MAP2: variants seen among roughly 807,000 people sequenced by gnomAD.
MAP2 encodes microtubule-associated protein 2.
MAP2 carries 14 observed loss-of-function variants against 137.6 expected under a neutral mutation model. That is an observed-to-expected ratio of 0.10 (90% CI 0.07 to 0.16). The LOEUF (loss-of-function observed/expected upper bound fraction) is 0.16, where lower values mean the gene tolerates loss of function less well. Ranked by LOEUF, MAP2 falls within the 10% of genes least tolerant of loss-of-function variation. The pLI is 1.00. For missense variants in MAP2, 2,088 were observed against 2,191.5 expected (o/e 0.95, Z 0.94); for synonymous variants, 786 against 782.3 (o/e 1.00, Z -0.08).
At chr2:209,488,649 C>T (rs1371829552) in intron 1 of MAP2, among the ~76,000 whole-genome samples, 1 of 152,146 alleles carries the variant, frequency 6.6e-6, no homozygotes, top group Non-Finnish European at 1.5e-5. Flanking sequence ...GCTTTCCCCT[C>T]ACAGTGTAAA....
At chr2:209,719,338 G>T (rs139276989) in intron 13 of MAP2, among the ~76,000 whole-genome samples, 2 of 152,180 alleles carry the variant, frequency 1.3e-5, no homozygotes, top group South Asian at 2.1e-4. Flanking sequence ...TTGAGCTGAC[G>T]TGTGGGTCTT....
intron 5 of MAP2, among the ~76,000 whole-genome samples, chr2:209,664,789 ATC>A (rs1227844469): frequency 2.6e-5 from 4 of 151,626 alleles, no homozygotes; most frequent in Non-Finnish European, 5.9e-5. Context: ...GTGAAATCCC[ATC>A]TCTACTAAAA....
chr2:209,454,556 T>C (rs1457437463), intron 1 of MAP2, among the ~76,000 whole-genome samples: 1 of 152,066 alleles, frequency 6.6e-6, no homozygotes, highest in African/African-American at 2.4e-5. Flanking sequence ...AGGCTGGTCA[T>C]GAACTCCTGA....
At chr2:209,429,055 G>A (rs1209535952) in intron 1 of MAP2, among the ~76,000 whole-genome samples, 1 of 151,984 alleles carries the variant, frequency 6.6e-6, no homozygotes, top group Non-Finnish European at 1.5e-5. Flanking sequence ...CCGGGTTCAC[G>A]CCATTCTCCT....
At chr2:209,539,863 C>T (rs1337984692) in intron 2 of MAP2, among the ~76,000 whole-genome samples, 1 of 144,148 alleles carries the variant, frequency 6.9e-6, no homozygotes, top group Non-Finnish European at 1.5e-5. Context: ...TTTGGGAGAC[C>T]AAGGCAGGAG....
intron 4 of MAP2, among the ~76,000 whole-genome samples, chr2:209,644,215 A>G (rs972467700): frequency 6.6e-6 from 1 of 152,186 alleles, no homozygotes; most frequent in African/African-American, 2.4e-5. Flanking sequence ...CATTTTCTCC[A>G]ATGGATTGAA....
Position 209,710,155 on chromosome 2 carries a change from G to C in MAP2, c.4974G>C (p.Lys1658Asn). 6.2e-7 allele frequency: 1 copy of C among 1,613,906 alleles called. No homozygotes were observed. The highest frequency in any genetic ancestry group is 8.5e-7 in the Non-Finnish European group (1 of 1,179,946). Residue 1658 changes from lysine to asparagine, a missense_variant, in exon 13 of 16, where the codon AAG becomes AAC. Coordinates refer to ENST00000682079, the MANE Select transcript of MAP2 (RefSeq NM_001375505.1). ...RTPPKSPATPKQLRLINQPLP... is the reference protein window; with the variant it reads ...RTPPKSPATPNQLRLINQPLP... ...CTCCAAAATCTCCTGCGACTCCCAA[G>C]CAGCTTCGGCTTATTAACCAACCAC...
chr2:209,716,181 T>A (rs2067529031), intron 13 of MAP2, among the ~76,000 whole-genome samples: 1 of 152,226 alleles, frequency 6.6e-6, no homozygotes, highest in African/African-American at 2.4e-5. Flanking sequence ...ATATAATTAG[T>A]AATTTAATGT....
intron 2 of MAP2, among the ~76,000 whole-genome samples, chr2:209,563,559 G>A (rs749711561): frequency 1.3e-5 from 2 of 151,966 alleles, no homozygotes; most frequent in African/African-American, 4.8e-5. Flanking sequence ...ACCCACCCCC[G>A]TATACTTCTC....
chr2:209,646,503 A>G (rs1300724569), intron 4 of MAP2, among the ~76,000 whole-genome samples: 1 of 152,228 alleles, frequency 6.6e-6, no homozygotes, highest in African/African-American at 2.4e-5. Context: ...AAATGCTAAA[A>G]GCAGATACAT....
chr2:209,716,282 A>G (rs1185075701), intron 13 of MAP2, among the ~76,000 whole-genome samples: 2 of 152,262 alleles, frequency 1.3e-5, no homozygotes, highest in Non-Finnish European at 2.9e-5. Context: ...GTAGGTGCTC[A>G]ATAAATATGC....
At chr2:209,495,649 T>C (rs957486623) in intron 1 of MAP2, among the ~76,000 whole-genome samples, 1 of 152,218 alleles carries the variant, frequency 6.6e-6, no homozygotes, top group Admixed American at 6.5e-5. Context: ...ATTCAATCTT[T>C]ATAAGCTTAG....
chr2:209,639,957 T>C (rs527708110), intron 4 of MAP2, among the ~76,000 whole-genome samples: 2 of 152,192 alleles, frequency 1.3e-5, no homozygotes, highest in East Asian at 1.9e-4. Context: ...GCTGGAGTTA[T>C]GGAGATGCCA....
Position 209,686,741 on chromosome 2 carries a change from G to A in MAP2, c.455-5884G>A, listed in dbSNP as rs182412676. Among the ~76,000 whole-genome samples, 10 of 152,182 alleles carry A rather than the reference G, an allele frequency of 6.6e-5. No homozygotes were observed. In the East Asian group the frequency reaches 1.9e-3, roughly 29 times the overall value. On this transcript the variant is annotated intron_variant, in intron 7 of 15. Transcript: ENST00000682079. The stretch of plus-strand genomic sequence containing the variant: ...ATGCAAATTTCCTAGGCAAGATACA[G>A]GAAAGAACAGAAATGAGAGTAGTTA...
At chr2:209,729,751 A>G (rs2075391847) in intron 14 of MAP2, 99 bp from the exon 15 acceptor site, 1 of 703,582 alleles carries the variant, frequency 1.4e-6, no homozygotes, top group Non-Finnish European at 2.5e-6. Context: ...AAGTTAATAA[A>G]TTTGTGGTTT....
At chr2:209,543,636 G>A (rs2067442738) in intron 2 of MAP2, among the ~76,000 whole-genome samples, 1 of 152,184 alleles carries the variant, frequency 6.6e-6, no homozygotes. Flanking sequence ...AACATGTTGG[G>A]TAATAGAACA....
At chr2:209,646,234 C>T (rs2094414929) in intron 4 of MAP2, among the ~76,000 whole-genome samples, 1 of 151,974 alleles carries the variant, frequency 6.6e-6, no homozygotes, top group African/African-American at 2.4e-5. Context: ...AAGAAATAAG[C>T]AAAATATAGG....
intron 3 of MAP2, among the ~76,000 whole-genome samples, chr2:209,605,749 C>T (rs530489871): frequency 6.6e-6 from 1 of 152,230 alleles, no homozygotes; most frequent in Non-Finnish European, 1.5e-5. Context: ...GTGCCCTTAT[C>T]CTTGTGGTTT....
intron 1 of MAP2, among the ~76,000 whole-genome samples, chr2:209,440,614 T>G (rs1185999979): frequency 6.6e-6 from 1 of 151,542 alleles, no homozygotes; most frequent in Non-Finnish European, 1.5e-5. Context: ...GCTACCTGTT[T>G]GCTCAAAAAA....
Sources: gnomAD v4.1 joint callset for allele counts (sites outside exome capture counted in the v4.1 genomes callset) on GRCh38, gnomAD v4.1.1 for gene constraint, MANE v1.5 for transcripts, NCBI Gene and HGNC (gene_info 2026-07-23, HGNC 2026-07-21) for gene names.